The following AGBL1 variants were observed in gnomAD, a reference collection of about 807,000 sequenced individuals.
AGBL1 encodes cytosolic carboxypeptidase 4.
A neutral mutation model predicts 118.9 loss-of-function variants in AGBL1; 130 were observed. The ratio of observed to expected loss-of-function variants is 1.09; its 90% confidence interval spans 0.95 to 1.26. The LOEUF is 1.26. AGBL1 is among the 50% of genes most tolerant of loss of function. The probability of loss-of-function intolerance (pLI) is 0.00; values close to 1 mark genes in which losing one functional copy is unlikely to be tolerated. For missense variants in AGBL1, 1,584 were observed against 1,298.1 expected (o/e 1.22, Z -3.38); for synonymous variants, 555 against 478.9 (o/e 1.16, Z -2.08).
chr15:86,544,592 G>A (rs2083552516), intron 19 of AGBL1, among the ~76,000 whole-genome samples: 1 of 152,194 alleles, frequency 6.6e-6, no homozygotes. Context: ...CAGCAGGCAA[G>A]AGAAGGAATA....
intron 17 of AGBL1, among the ~76,000 whole-genome samples, chr15:86,373,292 C>T (rs993002868): frequency 2.0e-5 from 3 of 152,002 alleles, no homozygotes. Context: ...ATTACTTTCC[C>T]CCGGAAGAAG....
intron 22 of AGBL1, among the ~76,000 whole-genome samples, chr15:86,708,085 C>T (rs1378085078): frequency 1.3e-5 from 2 of 152,050 alleles, no homozygotes; most frequent in African/African-American, 4.8e-5. Flanking sequence ...ATTTTTCATC[C>T]TATTTCTTTC....
At chr15:86,583,833 C>T (rs2084208451) in intron 21 of AGBL1, among the ~76,000 whole-genome samples, 1 of 152,100 alleles carries the variant, frequency 6.6e-6, no homozygotes, top group Non-Finnish European at 1.5e-5. Context: ...CCCATTTCTC[C>T]ACAGCCTCAT....
rs566492042 is a variant in AGBL1, at chr15:86,619,959, A to G, written c.2995-54314A>G. On this transcript the variant is annotated intron_variant, in intron 21 of 22. Coordinates refer to ENST00000614907, the MANE Select transcript of AGBL1 (RefSeq NM_001386094.1). The stretch of plus-strand genomic sequence containing the variant: ...AACAGAGCTAAGTCACACTGCTGCT[A>G]TCAGGACCCAGTCTTTCCTGCTGAT... Among the ~76,000 whole-genome samples, 5 of 152,332 alleles carry G rather than the reference A, an allele frequency of 3.3e-5. No individual in the cohort carries two copies. In the South Asian group the frequency reaches 8.3e-4, roughly 25 times the overall value.
chr15:86,982,552 T>C (rs1596705049), intron 23 of AGBL1, among the ~76,000 whole-genome samples: 1 of 152,152 alleles, frequency 6.6e-6, no homozygotes, highest in African/African-American at 2.4e-5. Context: ...TTCTACCTCC[T>C]CCACCTCGCC....
intron 17 of AGBL1, among the ~76,000 whole-genome samples, chr15:86,306,349 CTT>C (rs768102094): frequency 2.4e-4 from 36 of 152,018 alleles, no homozygotes; most frequent in Admixed American, 4.6e-4. Flanking sequence ...TCCTTCTACT[CTT>C]TATCTTCATG....
intron 21 of AGBL1, among the ~76,000 whole-genome samples, chr15:86,660,570 T>C (rs879659812): frequency 6.6e-6 from 1 of 152,282 alleles, no homozygotes; most frequent in African/African-American, 2.4e-5. Context: ...CACATTTTTT[T>C]TTTACTGATT....
At chr15:86,395,731 G>A (rs1185750882) in intron 17 of AGBL1, among the ~76,000 whole-genome samples, 3 of 152,058 alleles carry the variant, frequency 2.0e-5, no homozygotes, top group Non-Finnish European at 4.4e-5. Context: ...CTAGACCTCA[G>A]TGGATTAATG....
chr15:86,699,832 T>C (rs530758057), intron 22 of AGBL1, among the ~76,000 whole-genome samples: 4 of 152,190 alleles, frequency 2.6e-5, no homozygotes, highest in African/African-American at 7.2e-5. Context: ...TTGTAACTAA[T>C]AGCTATTTTG....
intron 1 of AGBL1, among the ~76,000 whole-genome samples, chr15:86,120,891 C>T (rs959129215): frequency 5.4e-5 from 8 of 148,988 alleles, no homozygotes; most frequent in Non-Finnish European, 1.0e-4. Flanking sequence ...TTCTTGTTTG[C>T]TTTTATGGAT....
rs192444017 is a variant in AGBL1 at position 86,284,176 on chromosome 15, A to G, written c.2220+4393A>G. Among the ~76,000 whole-genome samples, 150 of 129,292 alleles carry G rather than the reference A, an allele frequency of 1.2e-3. 1 individual carries two copies. Among genetic ancestry groups the G allele is most frequent in the East Asian group, 5.6e-3 (28 of 4,958 alleles). 84.8% of individuals were successfully genotyped at this position (129,292 alleles called of 152,430 possible). ...TTGGAAGATACCCGTTCCATAATTC[A>G]TACTAAAATTAAAATAAAAAAAAAA... On this transcript the variant is annotated intron_variant, in intron 16 of 22. Coordinates refer to ENST00000614907, the MANE Select transcript of AGBL1 (RefSeq NM_001386094.1).
Position 86,841,611 on chromosome 15 carries a change from C to T in AGBL1, c.3159-65476C>T, listed in dbSNP as rs891798477. Among the ~76,000 whole-genome samples the T allele has an allele frequency of 3.3e-5, 5 of 152,138 alleles. No homozygotes were observed. The South Asian group carries it at 8.3e-4, about 25-fold the overall frequency. ...CTATAATCCCAGCACTTTTGGAGGCCGAGGTGGGTGAATCATCTGAGGTCG... is the reference window on the plus strand; with the variant it reads ...CTATAATCCCAGCACTTTTGGAGGCTGAGGTGGGTGAATCATCTGAGGTCG... On this transcript the variant is annotated intron_variant, in intron 22 of 22. Transcript: ENST00000614907.
At chr15:86,896,587 C>T (rs368835292) in intron 22 of AGBL1, among the ~76,000 whole-genome samples, 15 of 152,014 alleles carry the variant, frequency 9.9e-5, no homozygotes, top group Non-Finnish European at 1.5e-4. Flanking sequence ...AACTTTGTTG[C>T]GTTGCTAACA....
At chr15:86,317,992 G>T (rs1264013399) in intron 17 of AGBL1, among the ~76,000 whole-genome samples, 1 of 152,196 alleles carries the variant, frequency 6.6e-6, no homozygotes, top group Non-Finnish European at 1.5e-5. Context: ...AAAAAGAATA[G>T]GTGGGTACTG....
chr15:86,828,970 TTA>T (rs1400487046), intron 22 of AGBL1, among the ~76,000 whole-genome samples: 5 of 147,878 alleles, frequency 3.4e-5, no homozygotes, highest in African/African-American at 9.9e-5. Context: ...ATAATAAATA[TTA>T]TATATATAGT....
chr15:86,956,043 A>C (rs2080927112), intron 23 of AGBL1, among the ~76,000 whole-genome samples: 1 of 152,122 alleles, frequency 6.6e-6, no homozygotes, highest in South Asian at 2.1e-4. Flanking sequence ...TATACGAAAC[A>C]AGTTACAAAA....
At position 86,564,229 on chromosome 15, in the gene AGBL1, T is replaced by C. The variant is rs1474585947; in HGVS notation, c.2994+9692T>C. Among the ~76,000 whole-genome samples, 5 of 152,326 alleles carry C rather than the reference T, an allele frequency of 3.3e-5. No individual in the cohort carries two copies. The East Asian group carries it at 9.6e-4, about 29-fold the overall frequency. ...TGATGCAGTTTCTTCCTAGCATCGATGGTCTTTACAATTTGGCACGTTTTT... is the reference window on the plus strand; with the variant it reads ...TGATGCAGTTTCTTCCTAGCATCGACGGTCTTTACAATTTGGCACGTTTTT... On this transcript the variant is annotated intron_variant, in intron 21 of 22. Transcript: ENST00000614907.
In AGBL1 at chr15:86,346,570, C is replaced by G. The variant is rs571344030; in HGVS notation, c.2375-50796C>G. Among the ~76,000 whole-genome samples, 3 of 150,894 alleles carry G rather than the reference C, an allele frequency of 2.0e-5. No homozygotes were observed. In the South Asian group the frequency reaches 6.3e-4, roughly 32 times the overall value. ...TTCACCATGTTAGCCAGGATGGTCT[C>G]GATCTCCTGACCTCATGATCCTACC... On this transcript the variant is annotated intron_variant, in intron 17 of 22. Coordinates refer to ENST00000614907, the MANE Select transcript of AGBL1 (RefSeq NM_001386094.1).
chr15:86,312,982 G>T (rs577500019), intron 17 of AGBL1, among the ~76,000 whole-genome samples: 1 of 152,232 alleles, frequency 6.6e-6, no homozygotes, highest in Non-Finnish European at 1.5e-5. Flanking sequence ...TTTATGCGTC[G>T]TTGTAAATAA....
Sources: gnomAD v4.1 joint callset for allele counts (sites outside exome capture counted in the v4.1 genomes callset) on GRCh38, gnomAD v4.1.1 for gene constraint, MANE v1.5 for transcripts, NCBI Gene and HGNC (gene_info 2026-07-23, HGNC 2026-07-21) for gene names.